The following STX12 variants were observed in gnomAD, a reference collection of about 807,000 sequenced individuals.
The protein encoded by STX12 is syntaxin-12.
A neutral mutation model predicts 42.2 loss-of-function variants in STX12; 17 were observed. The observed-to-expected ratio is 0.40, with a 90% CI of 0.28 to 0.60. The LOEUF (loss-of-function observed/expected upper bound fraction) is 0.60. STX12 is among the 20% of genes least tolerant of loss of function. The pLI is 0.39. For synonymous variants in STX12, 108 were observed against 116.7 expected (o/e 0.93, Z 0.48); for missense variants, 297 against 330.9 (o/e 0.90, Z 0.79).
chr1:27,804,190 C>T (rs2088844678), intron 4 of STX12, among the ~76,000 whole-genome samples: 1 of 151,764 alleles, frequency 6.6e-6, no homozygotes, highest in Non-Finnish European at 1.5e-5. Context: ...CTTTGGGAGG[C>T]CGAGGCGGGT....
At chr1:27,819,229 A>G (rs554074595) in intron 7 of STX12, among the ~76,000 whole-genome samples, 1 of 148,338 alleles carries the variant, frequency 6.7e-6, no homozygotes, top group East Asian at 2.0e-4. Flanking sequence ...TTATTGTACC[A>G]CTGCACTCCA....
intron 1 of STX12, among the ~76,000 whole-genome samples, chr1:27,783,969 G>A (rs952381725): frequency 2.0e-5 from 3 of 151,898 alleles, no homozygotes; most frequent in Non-Finnish European, 2.9e-5. Flanking sequence ...ATCTGAGGTC[G>A]GGAGTTTGAG....
At chr1:27,781,895 A>G (rs565747285) in intron 1 of STX12, among the ~76,000 whole-genome samples, 1 of 152,258 alleles carries the variant, frequency 6.6e-6, no homozygotes, top group Non-Finnish European at 1.5e-5. Context: ...AATAATAGCT[A>G]TCTTTAATTG....
chr1:27,787,014 G>T (rs2088703314), intron 1 of STX12, among the ~76,000 whole-genome samples: 1 of 152,318 alleles, frequency 6.6e-6, no homozygotes, highest in African/African-American at 2.4e-5. Context: ...GAACCACTGA[G>T]CTATAGTGGT....
At chr1:27,820,542 T>C (rs1278346016) in intron 8 of STX12, among the ~76,000 whole-genome samples, 1 of 152,224 alleles carries the variant, frequency 6.6e-6, no homozygotes, top group Non-Finnish European at 1.5e-5. Context: ...GTTTTGGCTT[T>C]TGTTGCCATT....
chr1:27,821,113 C>T (rs1011308786), intron 8 of STX12, among the ~76,000 whole-genome samples: 2 of 149,368 alleles, frequency 1.3e-5, no homozygotes, highest in African/African-American at 4.9e-5. Flanking sequence ...CACATGTATA[C>T]ATATGTAACT....
chr1:27,778,104 T>A (rs2088639235), intron 1 of STX12, among the ~76,000 whole-genome samples: 1 of 152,184 alleles, frequency 6.6e-6, no homozygotes, highest in African/African-American at 2.4e-5. Context: ...TGCAAGGACT[T>A]GTACCCATTA....
chr1:27,775,129 T>G (rs1296566827), intron 1 of STX12, among the ~76,000 whole-genome samples: 2 of 152,228 alleles, frequency 1.3e-5, no homozygotes, highest in Non-Finnish European at 2.9e-5. Flanking sequence ...GAAATTTTCT[T>G]GTTGAAGCTA....
At chr1:27,796,118 A>G (rs911035560) in intron 3 of STX12, among the ~76,000 whole-genome samples, 1 of 152,184 alleles carries the variant, frequency 6.6e-6, no homozygotes, top group African/African-American at 2.4e-5. Context: ...GTTCCTTTCC[A>G]TTATCTTGGA....
rs1434198196 is a variant in STX12, at chr1:27,792,270, GTATC to G, written c.189-1259_189-1256del. Among the ~76,000 whole-genome samples the G allele has an allele frequency of 1.2e-4, 14 of 121,600 alleles. 1 individual carries two copies. The highest frequency in any genetic ancestry group is 3.1e-4 in the African/African-American group (10 of 31,902). 79.8% of individuals were successfully genotyped at this position (121,600 alleles called of 152,430 possible). ...TATATATATGTAGATACATATATAT[GTATC>G]TATATATATGTAGATACATATATAT... On this transcript the variant is annotated intron_variant, in intron 2 of 8. Transcript: ENST00000373943.
At chr1:27,789,127 C>T (rs2088720609) in intron 1 of STX12, among the ~76,000 whole-genome samples, 1 of 152,130 alleles carries the variant, frequency 6.6e-6, no homozygotes, top group Non-Finnish European at 1.5e-5. Flanking sequence ...TAGAGGTGCT[C>T]AATTGGTGGT....
chr1:27,805,987 T>C (rs1423767743), intron 4 of STX12, among the ~76,000 whole-genome samples: 1 of 152,220 alleles, frequency 6.6e-6, no homozygotes, highest in African/African-American at 2.4e-5. Flanking sequence ...CTTTTATCCA[T>C]GCATGATTTT....
chr1:27,780,368 C>T (rs760198341), intron 1 of STX12, among the ~76,000 whole-genome samples: 9 of 151,694 alleles, frequency 5.9e-5, no homozygotes, highest in Non-Finnish European at 1.0e-4. Context: ...ACCACATGCC[C>T]GACTAATTTT....
At chr1:27,792,360 G>GTA (rs535744480) in intron 2 of STX12, among the ~76,000 whole-genome samples, 30 of 141,052 alleles carry the variant, frequency 2.1e-4, no homozygotes, top group Non-Finnish European at 3.2e-4. Flanking sequence ...ACATATATAT[G>GTA]TATATATATA....
At chr1:27,790,838 G>A (rs1369185257) in intron 2 of STX12, among the ~76,000 whole-genome samples, 1 of 152,166 alleles carries the variant, frequency 6.6e-6, no homozygotes, top group Non-Finnish European at 1.5e-5. Flanking sequence ...CTACTCAGGA[G>A]GCTGAGGCAG....
intron 7 of STX12, among the ~76,000 whole-genome samples, chr1:27,818,611 C>T (rs2088960316): frequency 6.6e-6 from 1 of 151,430 alleles, no homozygotes; most frequent in Admixed American, 6.6e-5. Flanking sequence ...AACAAACTTG[C>T]AAAATTATGG....
At chr1:27,807,693 C>A (rs1183574891) in intron 4 of STX12, among the ~76,000 whole-genome samples, 7 of 152,134 alleles carry the variant, frequency 4.6e-5, no homozygotes, top group African/African-American at 1.4e-4. Context: ...CAATTCTACC[C>A]TAGAGAAACC....
intron 6 of STX12, among the ~76,000 whole-genome samples, chr1:27,813,557 G>A (rs1571532096): frequency 6.6e-6 from 1 of 152,164 alleles, no homozygotes; most frequent in African/African-American, 2.4e-5. Flanking sequence ...CAGGGGAGGA[G>A]AAAAGGAGAG....
Position 27,815,599 on chromosome 1 carries a change from G to A in STX12, c.577-2252G>A, listed in dbSNP as rs79024612. ...ATTTTATTGTGCACTTATTCCCCAC[G>A]TCCACCCCAGTTAGCTGTATTCACA... On this transcript the variant is annotated intron_variant, in intron 6 of 8. Transcript: ENST00000373943. Among the ~76,000 whole-genome samples, 1,105 of 151,884 alleles carry A rather than the reference G, an allele frequency of 7.3e-3. 15 individuals are homozygous for A. Among genetic ancestry groups the A allele is most frequent in the African/African-American group, 0.024 (1,004 of 41,378 alleles).
Sources: allele counts gnomAD v4.1 joint callset (sites outside exome capture counted in the v4.1 genomes callset), GRCh38; gene constraint gnomAD v4.1.1; transcripts MANE v1.5; gene names NCBI Gene and HGNC (gene_info 2026-07-23, HGNC 2026-07-21).